The following JAM3 variants were observed in gnomAD, a reference collection of about 807,000 sequenced individuals.
JAM3 encodes the protein junctional adhesion molecule 3.
In JAM3, 31 loss-of-function variants were observed where a neutral mutation model predicts 39.4. The observed-to-expected ratio is 0.79, with a 90% CI of 0.59 to 1.06. JAM3 has a LOEUF of 1.06. Ranked by LOEUF, JAM3 falls within the 50% of genes least tolerant of loss-of-function variation. The pLI is 0.00. For synonymous variants in JAM3, 182 were observed against 148.7 expected, an observed-to-expected ratio of 1.22 and a Z score of -1.63; for missense variants, 455 against 391.4, an observed-to-expected ratio of 1.16 and a Z score of -1.37.
intron 6 of JAM3, chr11:134,148,307 T>G (rs1438062132): frequency 1.8e-6 from 1 of 566,762 alleles, no homozygotes; most frequent in Non-Finnish European, 3.2e-6. Context: ...CACTTTTCAG[T>G]GCGACTGCAT....
chr11:134,111,079 C>T (rs1279811368), intron 1 of JAM3, among the ~76,000 whole-genome samples: 1 of 147,108 alleles, frequency 6.8e-6, no homozygotes, highest in East Asian at 2.0e-4. Context: ...TGTTCTCACT[C>T]TACCTTTCCT....
At chr11:134,107,186 T>C (rs2120709406) in intron 1 of JAM3, among the ~76,000 whole-genome samples, 1 of 152,246 alleles carries the variant, frequency 6.6e-6, no homozygotes, top group African/African-American at 2.4e-5. Flanking sequence ...TTTGTCGGGA[T>C]ATGGATGAAG....
intron 1 of JAM3, chr11:134,124,291 T>C: frequency 1.1e-6 from 1 of 884,750 alleles, no homozygotes; most frequent in South Asian, 1.3e-5. Flanking sequence ...AAACGCATGT[T>C]CTCACAGGAA....
chr11:134,099,515 G>C (rs897281468), intron 1 of JAM3, among the ~76,000 whole-genome samples: 11 of 152,182 alleles, frequency 7.2e-5, no homozygotes, highest in Admixed American at 7.2e-4. Flanking sequence ...GTAATTAACT[G>C]TACTGCATTT....
rs1212174736 is a variant in JAM3, at chr11:134,125,000, A to T, written c.77-14851A>T. ...TGCGGCAGCGGCGACGACACCCCCC[A>T]GCCTCAGCGCGCGACACCCGCCCGG... On this transcript the variant is annotated intron_variant, in intron 1 of 8. Transcript: ENST00000299106. Among the ~76,000 whole-genome samples, 3 of 151,680 alleles carry T rather than the reference A, an allele frequency of 2.0e-5. No individual in the cohort carries two copies. In the East Asian group the frequency reaches 5.8e-4, roughly 29 times the overall value.
rs1462785698 is a variant in JAM3 at position 134,151,378 on chromosome 11, G to A, written c.*2197G>A. ...CATCATTGCCACCTTGGTAGAGAGGGATGGCTCCCCACCCTCAGCGTTGGG... is the reference window on the plus strand; with the variant it reads ...CATCATTGCCACCTTGGTAGAGAGGAATGGCTCCCCACCCTCAGCGTTGGG... On this transcript the variant is annotated 3_prime_UTR_variant, in exon 9 of 9. Transcript: ENST00000299106. The A allele has an allele frequency of 1.3e-5, 2 of 152,188 alleles. No individual in the cohort carries two copies. Among genetic ancestry groups the A allele is most frequent in the African/African-American group, 2.4e-5 (1 of 41,438 alleles). The allele number at this position is 152,188 out of a possible 1,614,324, so 9.4% of individuals were successfully genotyped here. A position where few individuals can be genotyped will look rare whatever the true frequency, so the allele number is the denominator to read the frequency against.
At position 134,149,134 on chromosome 11, in the gene JAM3, T is replaced by C. The variant is rs1350893193; in HGVS notation, c.898-12T>C. The C allele has an allele frequency of 9.3e-6, 15 of 1,614,038 alleles. 1 individual carries two copies. The East Asian group carries it at 1.3e-4, about 14-fold the overall frequency. On this transcript the variant is annotated splice_polypyrimidine_tract_variant and intron_variant, in intron 8 of 8. Transcript: ENST00000299106. Reference sequence around the variant, plus strand: ...GCCCCTTGATGGCTCTAACTGTGTGTTGGCTTTGCAGGGCGACTTCAGACA... The same window carrying C: ...GCCCCTTGATGGCTCTAACTGTGTGCTGGCTTTGCAGGGCGACTTCAGACA...
At chr11:134,123,792 A>G (rs1942584463) in intron 1 of JAM3, 2 of 726,508 alleles carry the variant, frequency 2.8e-6, no homozygotes, top group South Asian at 2.9e-5. Flanking sequence ...TCTAAATGCC[A>G]CAATCAAGTG....
In JAM3 at chr11:134,125,074, C is replaced by T. The variant is rs544362054; in HGVS notation, c.77-14777C>T. Among the ~76,000 whole-genome samples, 19 of 152,324 alleles carry T rather than the reference C, an allele frequency of 1.2e-4. No individual in the cohort carries two copies. In the East Asian group the frequency reaches 2.3e-3, roughly 19 times the overall value. On this transcript the variant is annotated intron_variant, in intron 1 of 8. Coordinates refer to ENST00000299106, the MANE Select transcript of JAM3 (RefSeq NM_032801.5). ...TCTGTCTTGCTGCTGCTCCTGCAGC[C>T]GCCGCTGCCCTGTGGTGTCGCCTCC... is the stretch of plus-strand genomic sequence containing the variant.
intron 1 of JAM3, among the ~76,000 whole-genome samples, chr11:134,091,624 C>T (rs1050006955): frequency 2.7e-4 from 13 of 48,788 alleles, no homozygotes; most frequent in Admixed American, 2.3e-3. Context: ...AGTAAAACCC[C>T]GTGTCAAAAA....
chr11:134,129,308 G>T (rs1216145278), intron 1 of JAM3, among the ~76,000 whole-genome samples: 1 of 151,894 alleles, frequency 6.6e-6, no homozygotes, highest in East Asian at 1.9e-4. Flanking sequence ...AGTAGAGATG[G>T]GGTTTCACAG....
At chr11:134,115,690 C>T (rs1942415296) in intron 1 of JAM3, among the ~76,000 whole-genome samples, 1 of 151,724 alleles carries the variant, frequency 6.6e-6, no homozygotes. Flanking sequence ...TTACTTGAGC[C>T]CAGGAGTTTG....
At chr11:134,129,174 C>G (rs1162992356) in intron 1 of JAM3, among the ~76,000 whole-genome samples, 1 of 149,372 alleles carries the variant, frequency 6.7e-6, no homozygotes, top group Non-Finnish European at 1.5e-5. Flanking sequence ...GGTTGGAGTG[C>G]AGTGGCGTGA....
In JAM3 at chr11:134,151,196, T is replaced by C. The variant is rs183014324; in HGVS notation, c.*2015T>C. 1.4e-4 allele frequency: 21 copies of C among 152,412 alleles called. No homozygotes were observed. The East Asian group carries it at 4.0e-3, about 29-fold the overall frequency. 9.4% of individuals were successfully genotyped at this position (152,412 alleles called of 1,614,324 possible). ...GTTTTTTATACTTTGACAGCTTTTT[T>C]TTAATTGCATACATGAGACTGTGTT... is the stretch of plus-strand genomic sequence containing the variant. On this transcript the variant is annotated 3_prime_UTR_variant, in exon 9 of 9. Transcript: ENST00000299106.
intron 1 of JAM3, among the ~76,000 whole-genome samples, chr11:134,098,162 G>A (rs1038191721): frequency 6.6e-6 from 1 of 152,142 alleles, no homozygotes; most frequent in African/African-American, 2.4e-5. Flanking sequence ...CTCTCCAGGG[G>A]AAGAAGAGCT....
intron 1 of JAM3, among the ~76,000 whole-genome samples, chr11:134,138,874 A>G (rs470935): frequency 0.03 from 4,531 of 152,298 alleles, 251 homozygotes; most frequent in East Asian, 0.25. Flanking sequence ...GGGCCATTAA[A>G]GAAGATAAAG....
At chr11:134,102,525 A>T (rs1194466275) in intron 1 of JAM3, among the ~76,000 whole-genome samples, 1 of 152,204 alleles carries the variant, frequency 6.6e-6, no homozygotes, top group African/African-American at 2.4e-5. Context: ...AATGACTTTG[A>T]TGAGTTGAGA....
chr11:134,074,388 T>C (rs571573606), intron 1 of JAM3, among the ~76,000 whole-genome samples: 36 of 152,256 alleles, frequency 2.4e-4, no homozygotes, highest in Non-Finnish European at 4.0e-4. Flanking sequence ...AATTTGGCAC[T>C]AGTAATGGGA....
At chr11:134,137,877 T>G in intron 1 of JAM3, among the ~76,000 whole-genome samples, 1 of 90,132 alleles carries the variant, frequency 1.1e-5, no homozygotes, top group South Asian at 5.2e-4. Context: ...GAGCCAGTGG[T>G]GGCGTCTCGT....
Sources: gnomAD v4.1 joint callset for allele counts (sites outside exome capture counted in the v4.1 genomes callset) on GRCh38, gnomAD v4.1.1 for gene constraint, MANE v1.5 for transcripts, NCBI Gene and HGNC (gene_info 2026-07-23, HGNC 2026-07-21) for gene names.